Variants in SMG1 observed in about 807,000 individuals in gnomAD.
SMG1 encodes SMG1 nonsense mediated mRNA decay associated PI3K related kinase, also known as serine/threonine-protein kinase SMG1.
A neutral mutation model predicts 419.9 loss-of-function variants in SMG1; 22 were observed. The ratio of observed to expected loss-of-function variants is 0.05; its 90% CI spans 0.04 to 0.07. SMG1 has a LOEUF of 0.07. Ranked by LOEUF, SMG1 falls within the 10% of genes least tolerant of loss-of-function variation. The pLI is 1.00. For missense variants in SMG1, 3,185 were observed against 4,342.0 expected, an observed-to-expected ratio of 0.73 and a Z score of 7.49; for synonymous variants, 1,538 against 1,553.5, an observed-to-expected ratio of 0.99 and a Z score of 0.23.
At chr16:18,838,518 C>T (rs771912312) in intron 43 of SMG1, 33 bp downstream of exon 43, 3 of 1,613,762 alleles carry the variant, frequency 1.9e-6, no homozygotes, top group Admixed American at 3.3e-5. Flanking sequence ...AAACATTTGG[C>T]CCTCATAAAT....
rs747867969 is a variant in SMG1 at position 18,836,515 on chromosome 16, T to C, written c.7622A>G (p.Gln2541Arg). Reference protein sequence around the residue: ...TLQHRYSEHTQLQTQQRAVQE... With the variant: ...TLQHRYSEHTRLQTQQRAVQE... ...AACAGCTCTTTGCTGAGTCTGTAGTTGGGTGTGCTCAGAATACCTAATCAG... is the reference window on the plus strand; with the variant it reads ...AACAGCTCTTTGCTGAGTCTGTAGTCGGGTGTGCTCAGAATACCTAATCAG... The change falls in exon 47 of 63, where the codon CAA (glutamine) becomes CGA (arginine). Residue 2541 changes from glutamine to arginine, a missense_variant. This residue lies in a region of SMG1 where 412 missense variants were observed against 546.6 expected (regional missense o/e 0.75). Transcript: ENST00000446231. 27 of 1,613,798 alleles carry C rather than the reference T, an allele frequency of 1.7e-5. No individual in the cohort carries two copies. The highest frequency in any genetic ancestry group is 1.2e-4 in the Admixed American group (7 of 59,972).
chr16:18,839,937 A>C lies in SMG1; in HGVS notation c.6706T>G (p.Ser2236Ala). 6.3e-7 allele frequency: 1 copy of C among 1,581,650 alleles called. No homozygotes were observed. The highest frequency in any genetic ancestry group is 8.6e-7 in the Non-Finnish European group (1 of 1,162,932). ...CCAGGATTCTGAGGAGTTTGGTAGGAATCTTGGGCCTTAAGAAAAAACAAT... is the reference window on the plus strand; with the variant it reads ...CCAGGATTCTGAGGAGTTTGGTAGGCATCTTGGGCCTTAAGAAAAAACAAT... ...AALQAQKAQD[S>A]YQTPQNPGIV... The change falls in exon 42 of 63, where the codon TCC becomes GCC. Residue 2236 changes from serine to alanine, a missense_variant. By Grantham distance (99) the Ser-to-Ala change is moderately conservative (BLOSUM62 1). Transcript: ENST00000446231.
chr16:18,831,110 G>C (rs543612243), intron 51 of SMG1, among the ~76,000 whole-genome samples: 39 of 152,188 alleles, frequency 2.6e-4, no homozygotes, highest in African/African-American at 8.4e-4. Flanking sequence ...TGCACATTTT[G>C]AATGTAAGGT....
rs2037698025 is a variant in SMG1, at chr16:18,909,178, A to G, written c.93-12222T>C. On this transcript the variant is annotated intron_variant, in intron 1 of 62. Transcript: ENST00000446231. The stretch of plus-strand genomic sequence containing the variant: ...GCCAACATGGAGAAATCCTGTCTCC[A>G]CTAAAAATACAAAATTAGCCAGGTG... Among the ~76,000 whole-genome samples, 4 of 151,920 alleles carry G rather than the reference A, an allele frequency of 2.6e-5. No homozygotes were observed. In the South Asian group the frequency reaches 8.3e-4, roughly 32 times the overall value.
rs1425711082 is a variant in SMG1 at position 18,815,669 on chromosome 16, ATGAT to A, written c.10303-22_10303-19del. The A allele has an allele frequency of 6.2e-7, 1 of 1,601,384 alleles. No individual in the cohort carries two copies. Among genetic ancestry groups the A allele is most frequent in the East Asian group, 2.2e-5 (1 of 44,756 alleles). On this transcript the variant is annotated intron_variant, in intron 58 of 62. Transcript: ENST00000446231. The stretch of plus-strand genomic sequence containing the variant: ...TCTTCATCCTAGAATTGATAAATTA[ATGAT>A]TAAGAAAAATAGTTTTAGTATCAGT...
intron 62 of SMG1, among the ~76,000 whole-genome samples, chr16:18,810,885 G>C (rs2141059916): frequency 6.6e-6 from 1 of 152,284 alleles, no homozygotes; most frequent in Non-Finnish European, 1.5e-5. Context: ...CAGAAAAACT[G>C]TGTGTGCATA....
chr16:18,862,228 C>G (rs953581802), intron 25 of SMG1, among the ~76,000 whole-genome samples: 5 of 152,156 alleles, frequency 3.3e-5, no homozygotes, highest in African/African-American at 4.8e-5. Flanking sequence ...ATCTGGATGT[C>G]CTATATCTAG....
chr16:18,831,699 C>T (rs2033183502), intron 51 of SMG1, among the ~76,000 whole-genome samples: 1 of 144,616 alleles, frequency 6.9e-6, no homozygotes, highest in Non-Finnish European at 1.5e-5. Flanking sequence ...GAGGCTGCAG[C>T]GAGCCGAGAT....
chr16:18,894,789 T>C (rs2037043331), intron 3 of SMG1, among the ~76,000 whole-genome samples: 1 of 151,956 alleles, frequency 6.6e-6, no homozygotes, highest in African/African-American at 2.4e-5. Context: ...AAAAAAATTA[T>C]CATTACCTCC....
chr16:18,902,174 A>G (rs1381485460), intron 1 of SMG1, among the ~76,000 whole-genome samples: 2 of 152,202 alleles, frequency 1.3e-5, no homozygotes, highest in African/African-American at 4.8e-5. Flanking sequence ...CTGGTAGGCA[A>G]TAATTCATGA....
intron 41 of SMG1, 145 bp downstream of exon 41, chr16:18,841,417 AAGT>A: frequency 1.7e-6 from 1 of 601,784 alleles, no homozygotes; most frequent in Non-Finnish European, 2.8e-6. Flanking sequence ...AAAAAAAAAA[AAGT>A]ACCTCAAAAA....
chr16:18,876,043 C>T (rs2036114906), intron 13 of SMG1, 81 bp downstream of exon 13: 6 of 1,449,974 alleles, frequency 4.1e-6, no homozygotes, highest in South Asian at 1.2e-5. Context: ...GACATCTTGA[C>T]ATGACAGTGA....
At chr16:18,883,856 T>C (rs570638077) in intron 9 of SMG1, among the ~76,000 whole-genome samples, 104 of 150,732 alleles carry the variant, frequency 6.9e-4, no homozygotes, top group African/African-American at 2.4e-3. Context: ...GAGGTGGAGG[T>C]TGCAGTGAGC....
At chr16:18,853,475 G>A in intron 31 of SMG1, 108 bp downstream of exon 31, 1 of 1,003,740 alleles carries the variant, frequency 1.0e-6, no homozygotes, top group Middle Eastern at 3.4e-4. Flanking sequence ...AACTTCCACA[G>A]ATATACTTTT....
At chr16:18,904,615 T>A (rs1457005476) in intron 1 of SMG1, among the ~76,000 whole-genome samples, 1 of 149,964 alleles carries the variant, frequency 6.7e-6, no homozygotes, top group Non-Finnish European at 1.5e-5. Flanking sequence ...TCCAGTCTGG[T>A]GACAGAGCAA....
chr16:18,815,936 A>G (rs1298780689), intron 58 of SMG1: 2 of 459,900 alleles, frequency 4.3e-6, no homozygotes, highest in Non-Finnish European at 7.7e-6. Flanking sequence ...ACTGGAGGGA[A>G]GAGACAACAT....
At position 18,835,144 on chromosome 16, in the gene SMG1, G is replaced by A; in HGVS notation, c.8078C>T (p.Pro2693Leu). ...LYRKYEMQYA[P>L]QPPPTVCQFI... is the part of the protein sequence containing the mutation. ...CTGACACACTGTTGGGGGTGGCTGGGGAGCATATTGCATTTCATATCTATA... is the reference window on the plus strand; with the variant it reads ...CTGACACACTGTTGGGGGTGGCTGGAGAGCATATTGCATTTCATATCTATA... The change falls in exon 49 of 63, where the codon CCC (proline) becomes CTC (leucine). Residue 2693 changes from proline to leucine, a missense_variant. This residue lies in a region of SMG1 where 412 missense variants were observed against 546.6 expected (regional missense o/e 0.75). Transcript: ENST00000446231. The A allele has an allele frequency of 3.1e-6, 5 of 1,611,084 alleles. No homozygotes were observed. Among genetic ancestry groups the A allele is most frequent in the Non-Finnish European group, 4.2e-6 (5 of 1,177,466 alleles).
intron 1 of SMG1, among the ~76,000 whole-genome samples, chr16:18,898,901 A>T (rs192082123): frequency 6.6e-6 from 1 of 152,306 alleles, no homozygotes; most frequent in Admixed American, 6.5e-5. Flanking sequence ...TCCAGCACTG[A>T]AAAGTATGTG....
chr16:18,804,918 T>C lies in SMG1; in HGVS notation c.*4651A>G, dbSNP rs927178146. 2 of 152,696 alleles carry C rather than the reference T, an allele frequency of 1.3e-5. No homozygotes were observed. The highest frequency in any genetic ancestry group is 2.4e-5 in the African/African-American group (1 of 41,474). The allele number at this position is 152,696 out of a possible 1,614,324, so 9.5% of individuals were successfully genotyped here. On this transcript the variant is annotated 3_prime_UTR_variant, in exon 63 of 63. Transcript: ENST00000446231. Reference sequence around the variant, plus strand: ...CAGGTATTTCATACAATCTTTGCCATGTTAATGCAAATATGCACAAAGTAG... The same window carrying C: ...CAGGTATTTCATACAATCTTTGCCACGTTAATGCAAATATGCACAAAGTAG...
Sources: allele counts gnomAD v4.1 joint callset (sites outside exome capture counted in the v4.1 genomes callset), GRCh38; gene constraint gnomAD v4.1.1; regional missense constraint gnomAD v4.1.1; transcripts MANE v1.5; gene names NCBI Gene and HGNC (gene_info 2026-07-23, HGNC 2026-07-21).